GGA3: variants seen among roughly 807,000 people sequenced by gnomAD.
GGA3 encodes the protein golgi associated, gamma adaptin ear containing, ARF binding protein 3, also known as ADP-ribosylation factor-binding protein GGA3.
In GGA3, 57 loss-of-function variants were observed where a neutral mutation model predicts 77.5. That is an observed-to-expected ratio of 0.74 (90% CI 0.59 to 0.92). The LOEUF is 0.92. GGA3 is among the 40% of genes least tolerant of loss of function. The pLI is 0.00. For missense variants in GGA3, 970 were observed against 914.9 expected, an observed-to-expected ratio of 1.06 and a Z score of -0.78; for synonymous variants, 416 against 383.7, an observed-to-expected ratio of 1.08 and a Z score of -0.98.
chr17:75,245,277 GCT>G (rs1211856514), intron 3 of GGA3, among the ~76,000 whole-genome samples: 3 of 152,174 alleles, frequency 2.0e-5, no homozygotes, highest in African/African-American at 4.8e-5. Flanking sequence ...CACTGTCCAG[GCT>G]CTCTTTCTTG....
chr17:75,261,707 C>T (rs2077391749), upstream of GGA3: 13 of 1,175,166 alleles, frequency 1.1e-5, no homozygotes, highest in Non-Finnish European at 1.1e-5. Context: ...CCGCGCCAGA[C>T]TGCGACGGAT....
At chr17:75,256,338 C>T (rs1376349129) in intron 1 of GGA3, among the ~76,000 whole-genome samples, 1 of 152,132 alleles carries the variant, frequency 6.6e-6, no homozygotes, top group Non-Finnish European at 1.5e-5. Flanking sequence ...GATGCATATA[C>T]TTTCTGCTCC....
At chr17:75,246,631 C>T (rs773501936) in intron 2 of GGA3, 47 bp from the exon 3 acceptor site, 10 of 1,592,734 alleles carry the variant, frequency 6.3e-6, no homozygotes, top group African/African-American at 1.3e-5. Flanking sequence ...CCTGGGGCTA[C>T]CTGGCTGGCC....
intron 16 of GGA3, 101 bp from the exon 17 acceptor site, chr17:75,238,490 C>T (rs758706275): frequency 1.8e-6 from 2 of 1,085,152 alleles, no homozygotes; most frequent in Non-Finnish European, 2.7e-6. Context: ...GGTCCCTTTT[C>T]CCCGCAACCC....
At chr17:75,246,862 C>G in intron 1 of GGA3, 66 bp from the exon 2 acceptor site, 1 of 1,263,436 alleles carries the variant, frequency 7.9e-7, no homozygotes, top group Non-Finnish European at 1.1e-6. Context: ...GGAAGGTTTT[C>G]TTCGCAAGTT....
chr17:75,262,269 A>G, upstream of GGA3: 1 of 645,968 alleles, frequency 1.5e-6, no homozygotes, highest in Non-Finnish European at 2.7e-6. Flanking sequence ...GTAGGCGCCA[A>G]GCCCATCCTT....
intron 1 of GGA3, among the ~76,000 whole-genome samples, chr17:75,252,672 G>A (rs770125603): frequency 3.9e-5 from 6 of 152,124 alleles, no homozygotes; most frequent in African/African-American, 1.2e-4. Context: ...TGACTTGCAC[G>A]TATACATCCA....
At position 75,239,502 on chromosome 17, in the gene GGA3, C is replaced by T; in HGVS notation, c.1653G>A (p.Leu551=). 1 of 1,577,248 alleles carries T rather than the reference C, an allele frequency of 6.3e-7. No individual in the cohort carries two copies. Among genetic ancestry groups the T allele is most frequent in the East Asian group, 2.3e-5 (1 of 43,922 alleles). ...IPTTTPARPL[L]PFSTGPGSPL... Reference sequence around the variant, plus strand: ...GGCTGCCGGGCCCCGTGGAGAAGGGCAGGAGGGGCCTGGCTGGGGTGGTGG... The same window carrying T: ...GGCTGCCGGGCCCCGTGGAGAAGGGTAGGAGGGGCCTGGCTGGGGTGGTGG... Residue 551 remains leucine (L), a synonymous_variant, in exon 14 of 17, where the codon CTG becomes CTA. Transcript: ENST00000537686.
chr17:75,244,257 GC>G, intron 4 of GGA3: 1 of 234,054 alleles, frequency 4.3e-6, no homozygotes, highest in Non-Finnish European at 8.6e-6. Flanking sequence ...GAGCATCGGA[GC>G]AATGACGGAG....
At chr17:75,248,515 AGTG>A (rs2076839601) in intron 1 of GGA3, among the ~76,000 whole-genome samples, 1 of 110,930 alleles carries the variant, frequency 9.0e-6, no homozygotes, top group East Asian at 3.0e-4. Context: ...GGCCGGGTGC[AGTG>A]GCTCACGCCT....
rs377145307 is a variant in GGA3 at position 75,239,786 on chromosome 17, T to A, written c.1583+3A>T. 3 of 1,613,466 alleles carry A rather than the reference T, an allele frequency of 1.9e-6. No individual in the cohort carries two copies. Among genetic ancestry groups the A allele is most frequent in the Non-Finnish European group, 2.5e-6 (3 of 1,179,940 alleles). The stretch of plus-strand genomic sequence containing the variant: ...CAACCCCACATCTCCTCCCACTCAT[T>A]ACACTTTGGCCTCTTCTAGAAGCTG... On this transcript the variant is annotated splice_donor_region_variant and intron_variant, in intron 13 of 16. Coordinates refer to ENST00000537686, the MANE Select transcript of GGA3 (RefSeq NM_138619.4).
upstream of GGA3, chr17:75,261,932 G>A: frequency 6.2e-7 from 1 of 1,609,056 alleles, no homozygotes; most frequent in South Asian, 1.1e-5. Flanking sequence ...GTTGCCCGAG[G>A]ATGGTCGGGC....
chr17:75,248,764 C>G, intron 1 of GGA3: 1 of 760,436 alleles, frequency 1.3e-6, no homozygotes, highest in South Asian at 6.1e-5. Context: ...CCAGCCTGGG[C>G]AACAAGTGAA....
Position 75,237,937 on chromosome 17 carries a change from C to CCCCACT in GGA3, c.*341_*342insAGTGGG, listed in dbSNP as rs1246080348. ...GAGACTCCCACCCCCCACCCCCCAC[C>CCCCACT]CCAGTGGCTTCAGTGAATGCCAGTA... On this transcript the variant is annotated 3_prime_UTR_variant, in exon 17 of 17. Transcript: ENST00000537686. The CCCCACT allele has an allele frequency of 5.1e-6, 4 of 778,282 alleles. No individual in the cohort carries two copies. The highest frequency in any genetic ancestry group is 6.5e-6 in the Non-Finnish European group (4 of 612,082). 48.2% of individuals were successfully genotyped at this position (778,282 alleles called of 1,614,324 possible). A position where few individuals can be genotyped will look rare whatever the true frequency, so the allele number is the denominator to read the frequency against.
Position 75,243,556 on chromosome 17 carries a change from CCT to C in GGA3, c.313_314del (p.Arg105GlyfsTer3). ...CCTTGGTCTTCACTTTCTCAGACAC[CCT>C]GTCCCCCAGGTACTACATGGCAAAA... ...KVVSPKYLGD[R>X]VSEKVKTKVI... On this transcript the variant is annotated frameshift_variant, in exon 5 of 17. Transcript: ENST00000537686. LOFTEE classifies it high-confidence loss of function. 1 of 1,614,052 alleles carries C rather than the reference CCT, an allele frequency of 6.2e-7. No individual in the cohort carries two copies. Among genetic ancestry groups the C allele is most frequent in the Non-Finnish European group, 8.5e-7 (1 of 1,179,976 alleles).
chr17:75,242,770 G>T, intron 7 of GGA3, 61 bp downstream of exon 7: 1 of 1,350,428 alleles, frequency 7.4e-7, no homozygotes, highest in Non-Finnish European at 1.1e-6. Flanking sequence ...GGGCAAAGCG[G>T]CTTCTGCTGT....
chr17:75,257,252 C>A (rs1259252154), intron 1 of GGA3, among the ~76,000 whole-genome samples: 1 of 148,202 alleles, frequency 6.7e-6, no homozygotes. Context: ...CAGTCTCATT[C>A]CAGACACCAG....
Position 75,248,803 on chromosome 17 carries a change from A to C in GGA3, c.41-2007T>G, listed in dbSNP as rs1481939826. 5 of 729,676 alleles carry C rather than the reference A, an allele frequency of 6.9e-6. No individual in the cohort carries two copies. In the East Asian group the frequency reaches 1.7e-3, roughly 252 times the overall value. The allele number at this position is 729,676 out of a possible 1,614,324, so 45.2% of individuals were successfully genotyped here. The stretch of plus-strand genomic sequence containing the variant: ...TCTGTCTAAAAAAAAAACAAAAACA[A>C]AAACAAAAAAAACAAAACAAAAAAA... On this transcript the variant is annotated intron_variant, in intron 1 of 16. Coordinates refer to ENST00000537686, the MANE Select transcript of GGA3 (RefSeq NM_138619.4).
At chr17:75,248,321 G>GT (rs2145544769) in intron 1 of GGA3, among the ~76,000 whole-genome samples, 1 of 150,426 alleles carries the variant, frequency 6.6e-6, no homozygotes, top group South Asian at 2.1e-4. Flanking sequence ...AATACAAAAA[G>GT]TTAGCTGGGC....
Sources: gnomAD v4.1 joint callset for allele counts (sites outside exome capture counted in the v4.1 genomes callset) on GRCh38, gnomAD v4.1.1 for gene constraint, MANE v1.5 for transcripts, NCBI Gene and HGNC (gene_info 2026-07-23, HGNC 2026-07-21) for gene names.